The following LSAMP variants were observed in gnomAD, a reference collection of about 807,000 sequenced individuals.
LSAMP encodes the protein limbic system-associated membrane protein.
Under a neutral mutation model 38.6 loss-of-function variants are expected in LSAMP, and 7 were observed. The observed-to-expected ratio is 0.18, with a 90% CI of 0.10 to 0.34. The LOEUF is 0.34. LSAMP is among the 10% of genes least tolerant of loss of function. The pLI is 1.00. For missense variants in LSAMP, 313 were observed against 420.0 expected, an observed-to-expected ratio of 0.75 and a Z score of 2.23; for synonymous variants, 154 against 166.8, an observed-to-expected ratio of 0.92 and a Z score of 0.59.
intron 1 of LSAMP, among the ~76,000 whole-genome samples, chr3:116,329,842 A>C (rs1225180299): frequency 6.6e-6 from 1 of 152,152 alleles, no homozygotes; most frequent in Non-Finnish European, 1.5e-5. Flanking sequence ...CACAGAATAA[A>C]TAAAACAGAA....
At position 115,910,589 on chromosome 3, in the gene LSAMP, T is replaced by A. The variant is rs1014899387; in HGVS notation, c.515-57972A>T. ...GTTAACATCTTGCATAATCATAAGA[T>A]CAGGATTTAAAAAGCATATATTGAG... On this transcript the variant is annotated intron_variant, in intron 3 of 6. Transcript: ENST00000490035. Among the ~76,000 whole-genome samples, 3 of 152,128 alleles carry A rather than the reference T, an allele frequency of 2.0e-5. No individual in the cohort carries two copies. The East Asian group carries it at 5.8e-4, about 29-fold the overall frequency.
intron 1 of LSAMP, among the ~76,000 whole-genome samples, chr3:116,178,650 C>A (rs987890605): frequency 6.6e-6 from 1 of 152,036 alleles, no homozygotes; most frequent in Non-Finnish European, 1.5e-5. Context: ...TAATCTGCAC[C>A]TCTTTAAAAA....
At chr3:115,979,113 G>C (rs1337549411) in intron 3 of LSAMP, among the ~76,000 whole-genome samples, 1 of 152,062 alleles carries the variant, frequency 6.6e-6, no homozygotes, top group African/African-American at 2.4e-5. Flanking sequence ...AAGGGTTGAA[G>C]ACGTGGAGTA....
At chr3:115,840,462 A>T (rs7610445) in intron 6 of LSAMP, among the ~76,000 whole-genome samples, 8,344 of 152,138 alleles carry the variant, frequency 0.055, 274 homozygotes, top group African/African-American at 0.086. Context: ...TGATGTCTCT[A>T]GTTGAGGCAA....
At chr3:116,397,128 A>G (rs1260686090) in intron 1 of LSAMP, among the ~76,000 whole-genome samples, 2 of 152,174 alleles carry the variant, frequency 1.3e-5, no homozygotes, top group African/African-American at 4.8e-5. Flanking sequence ...TTCCCATTTC[A>G]GAGTAATTGT....
At chr3:115,871,393 G>T (rs1308443270) in intron 3 of LSAMP, among the ~76,000 whole-genome samples, 2 of 152,098 alleles carry the variant, frequency 1.3e-5, no homozygotes, top group East Asian at 1.9e-4. Flanking sequence ...CCTTAGACAG[G>T]TGTATTCCTG....
At chr3:115,859,920 G>A (rs1935625757) in intron 3 of LSAMP, among the ~76,000 whole-genome samples, 1 of 152,090 alleles carries the variant, frequency 6.6e-6, no homozygotes, top group African/African-American at 2.4e-5. Flanking sequence ...TCAGTTTTTA[G>A]AAACTGCCCT....
At chr3:116,113,321 T>C (rs987513248) in intron 1 of LSAMP, among the ~76,000 whole-genome samples, 1 of 150,196 alleles carries the variant, frequency 6.7e-6, no homozygotes, top group African/African-American at 2.5e-5. Context: ...CCATTCATCC[T>C]CTGTAAAACA....
At chr3:116,157,796 T>C (rs1486205489) in intron 1 of LSAMP, among the ~76,000 whole-genome samples, 1 of 151,954 alleles carries the variant, frequency 6.6e-6, no homozygotes, top group Admixed American at 6.6e-5. Flanking sequence ...GCTGGCACCA[T>C]TCCTACTGAA....
At chr3:116,034,394 T>A (rs1371947680) in intron 2 of LSAMP, among the ~76,000 whole-genome samples, 1 of 152,150 alleles carries the variant, frequency 6.6e-6, no homozygotes, top group Non-Finnish European at 1.5e-5. Context: ...GCTCCCTGTC[T>A]GTTCCTCTAC....
intron 1 of LSAMP, among the ~76,000 whole-genome samples, chr3:116,164,760 A>ATATTTTTT (rs374542146): frequency 1.1e-5 from 1 of 91,642 alleles, no homozygotes; most frequent in African/African-American, 5.0e-5. Context: ...ATATATATAT[A>ATATTTTTT]TTTTTTTTTT....
At chr3:115,869,481 T>G (rs2107388427) in intron 3 of LSAMP, among the ~76,000 whole-genome samples, 1 of 152,238 alleles carries the variant, frequency 6.6e-6, no homozygotes, top group Middle Eastern at 3.4e-3. Flanking sequence ...TAGACAATAC[T>G]AAAAAGCAAA....
chr3:116,425,604 T>C (rs1236081531), intron 1 of LSAMP, among the ~76,000 whole-genome samples: 1 of 152,144 alleles, frequency 6.6e-6, no homozygotes, highest in Non-Finnish European at 1.5e-5. Flanking sequence ...GAAATGTTAC[T>C]CAGACCAAGT....
chr3:115,906,990 C>T (rs1360661682), intron 3 of LSAMP, among the ~76,000 whole-genome samples: 1 of 152,110 alleles, frequency 6.6e-6, no homozygotes, highest in East Asian at 1.9e-4. Flanking sequence ...AATGTTAGTC[C>T]TATACTAGAA....
At chr3:116,236,973 TAC>T (rs10542241) in intron 1 of LSAMP, among the ~76,000 whole-genome samples, 106,939 of 149,732 alleles carry the variant, frequency 0.71, 39,640 homozygotes, top group South Asian at 0.83. Flanking sequence ...TGCATATATA[TAC>T]ATATATACAC....
chr3:115,991,311 CTTCT>C (rs892217996), intron 3 of LSAMP, among the ~76,000 whole-genome samples: 14 of 152,130 alleles, frequency 9.2e-5, no homozygotes, highest in African/African-American at 3.4e-4. Context: ...GTAGATTTTA[CTTCT>C]TTAATTTCCT....
chr3:116,187,249 G>A (rs1488233385), intron 1 of LSAMP, among the ~76,000 whole-genome samples: 1 of 152,112 alleles, frequency 6.6e-6, no homozygotes, highest in Non-Finnish European at 1.5e-5. Flanking sequence ...ACTGGCTCAA[G>A]GGGAAACCAA....
chr3:115,890,882 G>A (rs951657825), intron 3 of LSAMP, among the ~76,000 whole-genome samples: 31 of 151,984 alleles, frequency 2.0e-4, no homozygotes, highest in African/African-American at 7.0e-4. Flanking sequence ...TCAGCCCTTA[G>A]AGGATCTATC....
chr3:116,355,315 G>T (rs1429197999), intron 1 of LSAMP, among the ~76,000 whole-genome samples: 1 of 152,054 alleles, frequency 6.6e-6, no homozygotes, highest in Non-Finnish European at 1.5e-5. Context: ...TTTGACAAAA[G>T]TGCAAAGAAC....
Sources: allele counts gnomAD v4.1 joint callset (sites outside exome capture counted in the v4.1 genomes callset), GRCh38; gene constraint gnomAD v4.1.1; transcripts MANE v1.5; gene names NCBI Gene and HGNC (gene_info 2026-07-23, HGNC 2026-07-21).